GLI3: variants seen among roughly 807,000 people sequenced by gnomAD.
GLI3 encodes the protein GLI family zinc finger 3.
In GLI3, 20 loss-of-function variants were observed where a neutral mutation model predicts 100.8. That is an observed-to-expected ratio of 0.20 (90% confidence interval 0.14 to 0.29). The LOEUF (loss-of-function observed/expected upper bound fraction) is 0.29. Ranked by LOEUF, GLI3 falls within the 10% of genes least tolerant of loss-of-function variation. GLI3 has a pLI of 1.00. For missense variants in GLI3, 2,040 were observed against 2,128.5 expected, an observed-to-expected ratio of 0.96 and a Z score of 0.82; for synonymous variants, 938 against 860.5, an observed-to-expected ratio of 1.09 and a Z score of -1.58.
intron 3 of GLI3, among the ~76,000 whole-genome samples, chr7:42,147,473 C>T (rs925363254): frequency 1.1e-4 from 16 of 152,166 alleles, no homozygotes; most frequent in African/African-American, 2.9e-4. Context: ...GAGCTGCAAG[C>T]TTTGGCACCT....
intron 10 of GLI3, among the ~76,000 whole-genome samples, chr7:41,979,834 C>T (rs1167471521): frequency 2.0e-5 from 3 of 152,180 alleles, no homozygotes; most frequent in Non-Finnish European, 4.4e-5. Context: ...CCCTTTGGCT[C>T]CATGCCTCGT....
chr7:42,002,171 A>T (rs1018987264), intron 10 of GLI3, among the ~76,000 whole-genome samples: 1 of 152,170 alleles, frequency 6.6e-6, no homozygotes, highest in Non-Finnish European at 1.5e-5. Flanking sequence ...ACCCACTTTA[A>T]GGCAAAGTTT....
At chr7:41,980,013 T>C (rs1176940389) in intron 10 of GLI3, among the ~76,000 whole-genome samples, 2 of 152,350 alleles carry the variant, frequency 1.3e-5, no homozygotes, top group Non-Finnish European at 1.5e-5. Context: ...AAAGTAAAGT[T>C]TTCTATGCTG....
At chr7:42,247,609 G>T (rs1162056353) in intron 1 of GLI3, among the ~76,000 whole-genome samples, 1 of 152,210 alleles carries the variant, frequency 6.6e-6, no homozygotes, top group Non-Finnish European at 1.5e-5. Context: ...TGTGGTGCAT[G>T]GTCCAGTACT....
intron 10 of GLI3, among the ~76,000 whole-genome samples, chr7:42,002,630 C>A (rs1788337140): frequency 1.3e-5 from 2 of 152,222 alleles, no homozygotes; most frequent in Non-Finnish European, 2.9e-5. Flanking sequence ...ATATATATCA[C>A]ATCATGAAAA....
chr7:42,170,859 A>G (rs1014317702), intron 2 of GLI3, among the ~76,000 whole-genome samples: 1 of 152,166 alleles, frequency 6.6e-6, no homozygotes, highest in Non-Finnish European at 1.5e-5. Context: ...GGAAGGAGGT[A>G]TTAGACATTC....
intron 3 of GLI3, among the ~76,000 whole-genome samples, chr7:42,120,710 T>G (rs1785976186): frequency 6.6e-6 from 1 of 152,230 alleles, no homozygotes; most frequent in African/African-American, 2.4e-5. Context: ...ATACTCTGAA[T>G]GGCTACTGCC....
At chr7:42,261,832 A>G (rs1052154259) in intron 1 of GLI3, among the ~76,000 whole-genome samples, 4 of 150,684 alleles carry the variant, frequency 2.7e-5, no homozygotes, top group Non-Finnish European at 4.4e-5. Context: ...TGACCCTGGC[A>G]TCATAAGGAA....
In GLI3 at chr7:41,964,343, G is replaced by T. The variant is rs1423877067; in HGVS notation, c.4730C>A (p.Ala1577Glu). ...TSLAEESKFL[A>E]VMQ ...TTTTCCTAAAGCCTATTGCATAACT[G>T]CAAGGAATTTGCTTTCTTCCGCTAG... Residue 1577 changes from alanine (A) to glutamate (E), a missense_variant, in exon 15 of 15, where the codon GCA becomes GAA. By Grantham distance (107) the Ala-to-Glu change is moderately radical. This residue lies in a region of GLI3 where 1,041 missense variants were observed against 924.0 expected (regional missense o/e 1.13). Coordinates refer to ENST00000395925, the MANE Select transcript of GLI3 (RefSeq NM_000168.6). 3.1e-6 allele frequency: 5 copies of T among 1,613,908 alleles called. No individual in the cohort carries two copies. Among genetic ancestry groups the T allele is most frequent in the Non-Finnish European group, 4.2e-6 (5 of 1,179,886 alleles).
intron 10 of GLI3, among the ~76,000 whole-genome samples, chr7:42,019,796 G>A (rs940273632): frequency 3.9e-5 from 6 of 152,118 alleles, no homozygotes; most frequent in Non-Finnish European, 8.8e-5. Flanking sequence ...AGTCTTCAAT[G>A]TACTTGGAAT....
intron 3 of GLI3, among the ~76,000 whole-genome samples, chr7:42,110,737 G>A (rs1785687045): frequency 6.6e-6 from 1 of 152,300 alleles, no homozygotes; most frequent in South Asian, 2.1e-4. Context: ...TTAAATGATA[G>A]AGGGAAAAGG....
chr7:42,158,060 C>T (rs1583608068), intron 2 of GLI3, among the ~76,000 whole-genome samples: 2 of 152,146 alleles, frequency 1.3e-5, no homozygotes, highest in African/African-American at 2.4e-5. Flanking sequence ...CATATGCAAA[C>T]ACCTCCCCAA....
intron 3 of GLI3, among the ~76,000 whole-genome samples, chr7:42,130,784 G>A (rs954573148): frequency 6.6e-6 from 1 of 152,062 alleles, no homozygotes; most frequent in Non-Finnish European, 1.5e-5. Context: ...ATGAAGGGAT[G>A]GGCAGAATTA....
At chr7:42,085,983 C>T (rs1178196574) in intron 3 of GLI3, among the ~76,000 whole-genome samples, 1 of 152,180 alleles carries the variant, frequency 6.6e-6, no homozygotes, top group Non-Finnish European at 1.5e-5. Context: ...CAAAACCAGG[C>T]AAGAAGCTCT....
At chr7:42,051,882 C>T (rs763399498) in intron 4 of GLI3, among the ~76,000 whole-genome samples, 7 of 152,172 alleles carry the variant, frequency 4.6e-5, no homozygotes, top group African/African-American at 9.7e-5. Context: ...TTAGGGTTCA[C>T]TCTTGGTGTT....
intron 3 of GLI3, among the ~76,000 whole-genome samples, chr7:42,120,591 C>A (rs1392212449): frequency 6.6e-6 from 1 of 152,184 alleles, no homozygotes; most frequent in African/African-American, 2.4e-5. Context: ...ACCCCCTCTC[C>A]TTGATGTCTT....
intron 10 of GLI3, among the ~76,000 whole-genome samples, chr7:41,984,021 T>C (rs372051159): frequency 9.9e-5 from 15 of 152,134 alleles, no homozygotes; most frequent in Non-Finnish European, 1.8e-4. Flanking sequence ...CGGGAGCCCA[T>C]AGAAAGGTGG....
intron 2 of GLI3, among the ~76,000 whole-genome samples, chr7:42,160,082 A>G (rs1787096957): frequency 6.6e-6 from 1 of 152,216 alleles, no homozygotes; most frequent in East Asian, 1.9e-4. Context: ...CTCCTCTACC[A>G]AAGGCAGATA....
At chr7:42,024,980 A>G (rs1488556843) in intron 9 of GLI3, among the ~76,000 whole-genome samples, 2 of 152,208 alleles carry the variant, frequency 1.3e-5, no homozygotes, top group Non-Finnish European at 2.9e-5. Flanking sequence ...CATTTCCTCT[A>G]CGAACTACAG....
Sources: allele counts gnomAD v4.1 joint callset (sites outside exome capture counted in the v4.1 genomes callset), GRCh38; gene constraint gnomAD v4.1.1; regional missense constraint gnomAD v4.1.1; transcripts MANE v1.5; gene names NCBI Gene and HGNC (gene_info 2026-07-23, HGNC 2026-07-21).